The following KDM4B variants were observed in gnomAD, a reference collection of about 807,000 sequenced individuals.
KDM4B encodes the protein lysine-specific demethylase 4B.
Under a neutral mutation model 125.2 loss-of-function variants are expected in KDM4B, and 32 were observed. The observed-to-expected ratio is 0.26, with a 90% CI of 0.19 to 0.34. The LOEUF (loss-of-function observed/expected upper bound fraction) is 0.34, where lower values mean the gene tolerates loss of function less well. KDM4B is among the 10% of genes least tolerant of loss of function. The probability of loss-of-function intolerance (pLI) is 1.00; values close to 1 mark genes in which losing one functional copy is unlikely to be tolerated. For synonymous variants in KDM4B, 721 were observed against 677.9 expected (o/e 1.06, Z -0.99); for missense variants, 1,190 against 1,577.7 (o/e 0.75, Z 4.16).
chr19:5,116,235 TAAAAAAA>T (rs35940660), intron 10 of KDM4B, among the ~76,000 whole-genome samples: 13 of 40,390 alleles, frequency 3.2e-4, no homozygotes, highest in South Asian at 1.4e-3. Flanking sequence ...ACCACATCTC[TAAAAAAA>T]AAAAAAAAAA....
At chr19:5,124,436 G>A (rs1249769064) in intron 11 of KDM4B, among the ~76,000 whole-genome samples, 1 of 152,110 alleles carries the variant, frequency 6.6e-6, no homozygotes, top group African/African-American at 2.4e-5. Context: ...TTCTCAGTGG[G>A]GCCTCCTGGG....
chr19:4,985,900 G>A (rs197151), intron 1 of KDM4B, among the ~76,000 whole-genome samples: 44,419 of 152,048 alleles, frequency 0.29, 7,174 homozygotes, highest in East Asian at 0.68. Flanking sequence ...CCTCCCCGGC[G>A]CCCAGCCCTC....
At chr19:5,027,794 G>A (rs1371464228) in intron 2 of KDM4B, among the ~76,000 whole-genome samples, 1 of 152,074 alleles carries the variant, frequency 6.6e-6, no homozygotes, top group Non-Finnish European at 1.5e-5. Context: ...GCCCACCTTG[G>A]CCTCACAAAG....
At chr19:4,982,312 C>T (rs955694350) in intron 1 of KDM4B, among the ~76,000 whole-genome samples, 8 of 147,554 alleles carry the variant, frequency 5.4e-5, no homozygotes, top group Middle Eastern at 3.4e-3. Flanking sequence ...AAAAGCCAGA[C>T]GCAGTGGCAC....
intron 6 of KDM4B, among the ~76,000 whole-genome samples, chr19:5,059,533 C>A (rs562625108): frequency 6.6e-6 from 1 of 152,230 alleles, no homozygotes; most frequent in Non-Finnish European, 1.5e-5. Flanking sequence ...CAGCATCCTG[C>A]GGCCTCTGCC....
At chr19:5,116,884 C>T (rs939084240) in intron 10 of KDM4B, among the ~76,000 whole-genome samples, 1 of 152,150 alleles carries the variant, frequency 6.6e-6, no homozygotes, top group Non-Finnish European at 1.5e-5. Flanking sequence ...GCAAGGATGG[C>T]CACACCCTCA....
At chr19:4,984,636 T>G (rs137900656) in intron 1 of KDM4B, among the ~76,000 whole-genome samples, 55 of 152,252 alleles carry the variant, frequency 3.6e-4, no homozygotes, top group African/African-American at 1.3e-3. Context: ...GACTGACAGA[T>G]CCAGAGAACA....
In KDM4B at chr19:5,131,947, G is replaced by A. The variant is rs750509109; in HGVS notation, c.1846G>A (p.Gly616Ser). 6.2e-6 allele frequency: 10 copies of A among 1,612,414 alleles called. No homozygotes were observed. Among genetic ancestry groups the A allele is most frequent in the East Asian group, 2.2e-5 (1 of 44,858 alleles). ...CAAGAAGAGCCGGCGCCATCCCCTG[G>A]GCCGGCCGCCCACCCGGTCCCCACT... ...EIKKSRRHPL[G>S]RPPTRSPLSV... Residue 616 changes from glycine to serine, a missense_variant, in exon 13 of 23, where the codon GGC becomes AGC. Around this residue, in one of 7 missense-constraint regions of KDM4B, gnomAD observed 13 missense variants for 34.8 expected, o/e 0.37. Coordinates refer to ENST00000159111, the MANE Select transcript of KDM4B (RefSeq NM_015015.3).
chr19:5,019,248 TG>T, intron 2 of KDM4B, among the ~76,000 whole-genome samples: 1 of 141,942 alleles, frequency 7.0e-6, no homozygotes. Flanking sequence ...GTGCACGTAT[TG>T]GTGTGCAGGT....
chr19:5,093,180 C>T (rs2038746373), intron 9 of KDM4B, among the ~76,000 whole-genome samples: 1 of 152,210 alleles, frequency 6.6e-6, no homozygotes, highest in Non-Finnish European at 1.5e-5. Flanking sequence ...AAGGCAGGTC[C>T]TGGTGGCCTG....
At chr19:5,054,427 T>C (rs2037329033) in intron 6 of KDM4B, among the ~76,000 whole-genome samples, 1 of 151,892 alleles carries the variant, frequency 6.6e-6, no homozygotes. Flanking sequence ...TCAGATCCAG[T>C]GAACTGTGAT....
chr19:5,032,901 A>C lies in KDM4B; in HGVS notation c.11A>C (p.Glu4Ala), dbSNP rs760612591. 6.2e-7 allele frequency: 1 copy of C among 1,614,104 alleles called. No individual in the cohort carries two copies. The highest frequency in any genetic ancestry group is 1.7e-5 in the Admixed American group (1 of 60,026). Residue 4 changes from glutamate (E) to alanine (A), a missense_variant, in exon 3 of 23, where the codon GAG (glutamate) becomes GCG (alanine). Coordinates refer to ENST00000159111, the MANE Select transcript of KDM4B (RefSeq NM_015015.3). The part of the protein sequence containing the change: MGS[E>A]DHGAQNPSCK... ...CGCACAGCTGCAGCCATGGGGTCTG[A>C]GGACCACGGCGCCCAGAACCCCAGC...
chr19:5,137,823 G>C (rs1237719138), intron 17 of KDM4B, 139 bp from the exon 18 acceptor site: 4 of 1,046,300 alleles, frequency 3.8e-6, no homozygotes, highest in South Asian at 1.5e-5. Context: ...CCAGGGCTGA[G>C]GAGGAGCATA....
intron 11 of KDM4B, among the ~76,000 whole-genome samples, chr19:5,128,679 C>T (rs935760384): frequency 3.9e-5 from 6 of 152,148 alleles, no homozygotes; most frequent in African/African-American, 9.7e-5. Context: ...GTGAAGCTTC[C>T]GGCCCCTCCC....
intron 5 of KDM4B, among the ~76,000 whole-genome samples, chr19:5,044,012 T>TG (rs1162515178): frequency 8.5e-4 from 71 of 83,396 alleles, no homozygotes; most frequent in Non-Finnish European, 1.4e-3. Context: ...TTTATCGGAG[T>TG]GGGGTGTCCA....
At chr19:4,977,493 G>C (rs1200794534) in intron 1 of KDM4B, among the ~76,000 whole-genome samples, 1 of 152,234 alleles carries the variant, frequency 6.6e-6, no homozygotes, top group Non-Finnish European at 1.5e-5. Flanking sequence ...CCTCCCGTCA[G>C]CATTCATAGC....
intron 9 of KDM4B, among the ~76,000 whole-genome samples, chr19:5,085,912 G>T (rs1034482766): frequency 2.6e-5 from 4 of 152,224 alleles, no homozygotes; most frequent in African/African-American, 9.6e-5. Flanking sequence ...GATGACAGAG[G>T]AGTGTTAGAA....
chr19:5,137,326 C>T lies in KDM4B; in HGVS notation c.2373C>T (p.His791=), dbSNP rs34637944. The T allele has an allele frequency of 2.7e-4, 425 of 1,570,958 alleles. 1 individual carries two copies. In the African/African-American group the frequency reaches 4.6e-3, roughly 17 times the overall value. ...GGACGTGTTCCCGGTGCGCGGCCCA[C>T]GCCTGGACTGCGGTAACTCGCTCCC... ...EGWTCSRCAA[H]AWTAECCLCN... The change falls in exon 16 of 23, where the codon CAC becomes CAT. Residue 791 remains histidine, a synonymous_variant. Coordinates refer to ENST00000159111, the MANE Select transcript of KDM4B (RefSeq NM_015015.3).
intron 21 of KDM4B, among the ~76,000 whole-genome samples, chr19:5,150,145 A>G (rs2039920506): frequency 6.6e-6 from 1 of 152,208 alleles, no homozygotes; most frequent in African/African-American, 2.4e-5. Flanking sequence ...GTCCTCCGTC[A>G]TCCTTGCCCC....
Sources: allele counts gnomAD v4.1 joint callset (sites outside exome capture counted in the v4.1 genomes callset), GRCh38; gene constraint gnomAD v4.1.1; regional missense constraint gnomAD v4.1.1; transcripts MANE v1.5; gene names NCBI Gene and HGNC (gene_info 2026-07-23, HGNC 2026-07-21).